NXPE3: variants seen among roughly 807,000 people sequenced by gnomAD.
NXPE3 encodes the protein neurexophilin and PC-esterase domain family member 3.
In NXPE3, 26 loss-of-function variants were observed where a neutral mutation model predicts 46.1. The observed-to-expected ratio is 0.56, with a 90% CI of 0.41 to 0.78. NXPE3 has a LOEUF of 0.78. Ranked by LOEUF, NXPE3 falls within the 30% of genes least tolerant of loss-of-function variation. The probability of loss-of-function intolerance (pLI) is 0.00; values close to 1 mark genes in which losing one functional copy is unlikely to be tolerated. For missense variants in NXPE3, 620 were observed against 686.0 expected, an observed-to-expected ratio of 0.90 and a Z score of 1.07; for synonymous variants, 272 against 257.9, an observed-to-expected ratio of 1.05 and a Z score of -0.52.
intron 4 of NXPE3, among the ~76,000 whole-genome samples, chr3:101,800,736 A>G (rs1309597607): frequency 6.6e-6 from 1 of 150,816 alleles, no homozygotes; most frequent in Non-Finnish European, 1.5e-5. Flanking sequence ...CTCCTTTATT[A>G]TTATGTAATG....
At position 101,801,880 on chromosome 3, in the gene NXPE3, T is replaced by C; in HGVS notation, c.739T>C (p.Trp247Arg). 1 of 1,614,190 alleles carries C rather than the reference T, an allele frequency of 6.2e-7. No individual in the cohort carries two copies. The highest frequency in any genetic ancestry group is 8.5e-7 in the Non-Finnish European group (1 of 1,180,030). Residue 247 changes from tryptophan to arginine, a missense_variant, in exon 5 of 8, where the codon TGG (tryptophan) becomes CGG (arginine). Around this residue, in one of 3 missense-constraint regions of NXPE3, gnomAD observed 511 missense variants for 528.6 expected, o/e 0.97. Coordinates refer to ENST00000273347, the MANE Select transcript of NXPE3 (RefSeq NM_145037.4). ...NFTDLYTGEPWFCFKPKKLPC... is the reference protein window; with the variant it reads ...NFTDLYTGEPRFCFKPKKLPC... ...TACAGACCTCTACACTGGGGAGCCCTGGTTCTGCTTCAAACCAAAGAAGCT... is the reference window on the plus strand; with the variant it reads ...TACAGACCTCTACACTGGGGAGCCCCGGTTCTGCTTCAAACCAAAGAAGCT...
At chr3:101,801,127 G>A (rs1560049046) in intron 4 of NXPE3, 108 bp from the exon 5 acceptor site, 3 of 1,178,600 alleles carry the variant, frequency 2.5e-6, no homozygotes, top group Non-Finnish European at 2.4e-6. Context: ...ATCTGATTGA[G>A]CTCCTGGAGC....
intron 3 of NXPE3, among the ~76,000 whole-genome samples, chr3:101,784,794 C>T (rs1022987535): frequency 1.3e-5 from 2 of 152,188 alleles, no homozygotes; most frequent in African/African-American, 4.8e-5. Context: ...CCCACATCTT[C>T]CAGGCAGGTG....
intron 6 of NXPE3, among the ~76,000 whole-genome samples, chr3:101,809,085 A>G (rs1034004287): frequency 6.6e-6 from 1 of 151,802 alleles, no homozygotes; most frequent in East Asian, 1.9e-4. Context: ...AACTTTGGAA[A>G]GTTTACCTGT....
chr3:101,816,856 AG>A lies in NXPE3; in HGVS notation c.985del (p.Asp329ThrfsTer50), dbSNP rs751629411. On this transcript the variant is annotated frameshift_variant, in exon 7 of 8. Coordinates refer to ENST00000273347, the MANE Select transcript of NXPE3 (RefSeq NM_145037.4). LOFTEE classifies it high-confidence loss of function. ...GTFPSGYYYKDQWRPRKFKMR... is the reference protein window; with the variant it reads ...GTFPSGYYYKXQWRPRKFKMR... ...CTTTTCCTTCTGGGTATTATTATAA[AG>A]ACCAGTGGAGGCCCAGAAAGTTTAA... 6.2e-7 allele frequency: 1 copy of A among 1,614,144 alleles called. No homozygotes were observed. The highest frequency in any genetic ancestry group is 8.5e-7 in the Non-Finnish European group (1 of 1,179,994).
chr3:101,817,056 G>A (rs986570815), intron 7 of NXPE3, 55 bp downstream of exon 7: 3 of 1,475,078 alleles, frequency 2.0e-6, no homozygotes, highest in Non-Finnish European at 2.8e-6. Context: ...TTTGAAATAA[G>A]CAGACTCACT....
At chr3:101,804,747 A>G (rs910943468) in intron 5 of NXPE3, among the ~76,000 whole-genome samples, 12 of 152,320 alleles carry the variant, frequency 7.9e-5, no homozygotes, top group African/African-American at 2.4e-4. Context: ...GGTTCCCTAA[A>G]TGACAGTTGA....
At chr3:101,812,186 A>G (rs1464974478) in intron 6 of NXPE3, among the ~76,000 whole-genome samples, 1 of 152,214 alleles carries the variant, frequency 6.6e-6, no homozygotes, top group African/African-American at 2.4e-5. Flanking sequence ...AAATGTTATA[A>G]CAAATGGGAC....
At position 101,818,734 on chromosome 3, in the gene NXPE3, TATATATATATATATATATA is replaced by T. The variant is rs1234346606; in HGVS notation, c.1129+1734_1129+1752del. ...GACAATTTATATATATATATATATA[TATATATATATATATATATA>T]TTTTTTTTTTTTTTTTTTTTTTTTT... On this transcript the variant is annotated intron_variant, in intron 7 of 7. Coordinates refer to ENST00000273347, the MANE Select transcript of NXPE3 (RefSeq NM_145037.4). Among the ~76,000 whole-genome samples, 24 of 30,986 alleles carry T rather than the reference TATATATATATATATATATA, an allele frequency of 7.7e-4. 1 individual carries two copies. Among genetic ancestry groups the T allele is most frequent in the African/African-American group, 2.7e-3 (24 of 8,758 alleles). 20.3% of individuals were successfully genotyped at this position (30,986 alleles called of 152,430 possible). A position where few individuals can be genotyped will look rare whatever the true frequency, so the allele number is the denominator to read the frequency against.
At chr3:101,800,644 A>G (rs980281019) in intron 4 of NXPE3, among the ~76,000 whole-genome samples, 1 of 151,172 alleles carries the variant, frequency 6.6e-6, no homozygotes, top group East Asian at 1.9e-4. Context: ...CTATTTCTCC[A>G]TTAGTTTTTG....
In NXPE3 at chr3:101,785,488, GC is replaced by G; in HGVS notation, c.-108del. On this transcript the variant is annotated 5_prime_UTR_variant, in exon 4 of 8. An upstream open reading frame in the 5' UTR loses its in-frame stop. Transcript: ENST00000273347. ...TCTTAAGGGTACTAGCAGGATAGAAGCAAATGAAACTGAAAGCTCATCTGCA... is the reference window on the plus strand; with the variant it reads ...TCTTAAGGGTACTAGCAGGATAGAAGAAATGAAACTGAAAGCTCATCTGCA... The G allele has an allele frequency of 1.1e-6, 1 of 921,720 alleles. No individual in the cohort carries two copies. Among genetic ancestry groups the G allele is most frequent in the Non-Finnish European group, 1.8e-6 (1 of 559,920 alleles). 57.1% of individuals were successfully genotyped at this position (921,720 alleles called of 1,614,324 possible).
At position 101,793,627 on chromosome 3, in the gene NXPE3, C is replaced by CTTTTTTTTTTTTTTTTTTTTTTTTTTTTT; in HGVS notation, c.94-7607_94-7579dup. Among the ~76,000 whole-genome samples, 8 of 19,408 alleles carry CTTTTTTTTTTTTTTTTTTTTTTTTTTTTT rather than the reference C, an allele frequency of 4.1e-4. 2 individuals carry two copies. The highest frequency in any genetic ancestry group is 1.7e-3 in the East Asian group (1 of 604). The allele number at this position is 19,408 out of a possible 152,430, so 12.7% of individuals were successfully genotyped here. On this transcript the variant is annotated intron_variant, in intron 4 of 7. Coordinates refer to ENST00000273347, the MANE Select transcript of NXPE3 (RefSeq NM_145037.4). ...TTTTTTTTGTATTAATTGACAAGGT[C>CTTTTTTTTTTTTTTTTTTTTTTTTTTTTT]TTTTTTTTTTTTTTTTTTTTTTTTT...
chr3:101,816,515 T>C (rs1193601692), intron 6 of NXPE3, among the ~76,000 whole-genome samples: 2 of 151,966 alleles, frequency 1.3e-5, no homozygotes, highest in African/African-American at 2.4e-5. Context: ...AGTGAGAACA[T>C]GTGGTGTTTG....
intron 7 of NXPE3, among the ~76,000 whole-genome samples, chr3:101,817,357 A>T (rs1942018460): frequency 6.6e-6 from 1 of 152,200 alleles, no homozygotes; most frequent in African/African-American, 2.4e-5. Flanking sequence ...TGTAAAATAG[A>T]GGTGGGCATT....
chr3:101,820,468 T>TG (rs1412606518), intron 7 of NXPE3, among the ~76,000 whole-genome samples: 2 of 152,198 alleles, frequency 1.3e-5, no homozygotes, highest in Admixed American at 1.3e-4. Context: ...AGCAGTATGG[T>TG]GATTCCTCAA....
chr3:101,802,458 G>T (rs900009947), intron 5 of NXPE3, among the ~76,000 whole-genome samples: 3 of 151,670 alleles, frequency 2.0e-5, no homozygotes, highest in Non-Finnish European at 2.9e-5. Context: ...TCTATTTTAT[G>T]TAAAGAAAAA....
intron 4 of NXPE3, among the ~76,000 whole-genome samples, chr3:101,792,301 A>C (rs1034989740): frequency 1.4e-4 from 22 of 152,010 alleles, no homozygotes; most frequent in African/African-American, 4.8e-4. Flanking sequence ...CTTTTGTTGC[A>C]ATTGCTTTTG....
In NXPE3 at chr3:101,821,411, G is replaced by A; in HGVS notation, c.1137G>A (p.Val379=). 1 of 1,611,086 alleles carries A rather than the reference G, an allele frequency of 6.2e-7. No homozygotes were observed. Among genetic ancestry groups the A allele is most frequent in the African/African-American group, 1.3e-5 (1 of 74,954 alleles). ...GAGTTTTCCTTGTTTCAGATTTAGT[G>A]GAGTTTAACTTGGGTAGTCCCAAGA... is the stretch of plus-strand genomic sequence containing the variant. The part of the protein sequence containing the change: ...EYLTTFVPDL[V]EFNLGSPKNV... The change falls in exon 8 of 8, where the codon GTG becomes GTA. Residue 379 remains valine, a synonymous_variant. Coordinates refer to ENST00000273347, the MANE Select transcript of NXPE3 (RefSeq NM_145037.4).
rs1239788156 is a variant in NXPE3, at chr3:101,824,830, AAAAG to A, written c.*2881_*2884del. The A allele has an allele frequency of 2.0e-5, 3 of 152,164 alleles. No homozygotes were observed. The highest frequency in any genetic ancestry group is 1.5e-5 in the Non-Finnish European group (1 of 68,026). The allele number at this position is 152,164 out of a possible 1,614,324, so 9.4% of individuals were successfully genotyped here. A position where few individuals can be genotyped will look rare whatever the true frequency, so the allele number is the denominator to read the frequency against. ...GAGTAATTTTCCCAGGAGAATTTTAAAAAGAAAGCGGGCATTGCTCCTCCAGTGG... is the reference window on the plus strand; with the variant it reads ...GAGTAATTTTCCCAGGAGAATTTTAAAAAGCGGGCATTGCTCCTCCAGTGG... On this transcript the variant is annotated 3_prime_UTR_variant, in exon 8 of 8. Transcript: ENST00000273347.
Sources: allele counts gnomAD v4.1 joint callset (sites outside exome capture counted in the v4.1 genomes callset), GRCh38; gene constraint gnomAD v4.1.1; regional missense constraint gnomAD v4.1.1; transcripts MANE v1.5; gene names NCBI Gene and HGNC (gene_info 2026-07-23, HGNC 2026-07-21).